The following DOCK2 variants were observed in gnomAD, a reference collection of about 807,000 sequenced individuals.
The protein encoded by DOCK2 is dedicator of cytokinesis protein 2.
In DOCK2, 87 loss-of-function variants were observed where a neutral mutation model predicts 248.9. That is an observed-to-expected ratio of 0.35 (90% CI 0.29 to 0.42). The LOEUF is 0.42. DOCK2 is among the 10% of genes least tolerant of loss of function. DOCK2 has a pLI of 1.00. For synonymous variants in DOCK2, 805 were observed against 821.6 expected (o/e 0.98, Z 0.35); for missense variants, 1,747 against 2,300.2 (o/e 0.76, Z 4.92).
chr5:169,689,792 C>A (rs1214654311), intron 9 of DOCK2, among the ~76,000 whole-genome samples: 2 of 152,178 alleles, frequency 1.3e-5, no homozygotes, highest in Non-Finnish European at 2.9e-5. Flanking sequence ...ATTGGACATT[C>A]TGAATATAAT....
At chr5:169,756,885 A>G (rs561124832) in intron 23 of DOCK2, among the ~76,000 whole-genome samples, 1 of 150,992 alleles carries the variant, frequency 6.6e-6, no homozygotes, top group African/African-American at 2.4e-5. Flanking sequence ...AGATCACCCC[A>G]TTGCACTCTA....
At chr5:169,792,018 T>C (rs751869613) in intron 25 of DOCK2, among the ~76,000 whole-genome samples, 6 of 152,168 alleles carry the variant, frequency 3.9e-5, no homozygotes, top group Admixed American at 6.5e-5. Context: ...AGTTCCTGGT[T>C]AAGTAGAGAT....
chr5:169,821,333 T>G (rs1351669235), intron 26 of DOCK2, among the ~76,000 whole-genome samples: 1 of 152,040 alleles, frequency 6.6e-6, no homozygotes, highest in East Asian at 1.9e-4. Flanking sequence ...TCACCAAAGT[T>G]GAAATGAAGG....
chr5:169,985,733 C>T, intron 28 of DOCK2, 95 bp from the exon 29 acceptor site: 1 of 921,392 alleles, frequency 1.1e-6, no homozygotes, highest in East Asian at 2.8e-5. Context: ...CCTTTTCCTC[C>T]CTCCAAAATA....
intron 33 of DOCK2, among the ~76,000 whole-genome samples, chr5:170,020,847 A>G (rs9313479): frequency 0.068 from 10,394 of 152,290 alleles, 443 homozygotes; most frequent in Middle Eastern, 0.19. Flanking sequence ...GAGGGTTTCA[A>G]GGTTAAATAC....
At position 170,013,712 on chromosome 5, in the gene DOCK2, G is replaced by A. The variant is rs560028388; in HGVS notation, c.3232+4966G>A. On this transcript the variant is annotated intron_variant, in intron 32 of 51. Transcript: ENST00000520908. ...CCTTTTAGGCTTCTGATCTCCAGAA[G>A]TATTACACTTATTACAAAATAAATG... is the stretch of plus-strand genomic sequence containing the variant. Among the ~76,000 whole-genome samples the A allele has an allele frequency of 3.9e-4, 59 of 152,232 alleles. 2 individuals carry two copies. Among genetic ancestry groups the A allele is most frequent in the African/African-American group, 1.3e-3 (55 of 41,496 alleles).
chr5:169,659,039 TG>T (rs1758298346), intron 2 of DOCK2, among the ~76,000 whole-genome samples: 1 of 147,950 alleles, frequency 6.8e-6, no homozygotes, highest in Non-Finnish European at 1.5e-5. Context: ...ATTATTGAGA[TG>T]GGGGTTTCTC....
intron 25 of DOCK2, among the ~76,000 whole-genome samples, chr5:169,789,129 A>G (rs764080222): frequency 3.8e-4 from 58 of 152,210 alleles, no homozygotes; most frequent in Non-Finnish European, 6.5e-4. Context: ...TGCTAAGGAT[A>G]ATGGCCTCCA....
chr5:170,007,495 G>T (rs1447696286), intron 30 of DOCK2, among the ~76,000 whole-genome samples: 1 of 152,180 alleles, frequency 6.6e-6, no homozygotes, highest in Non-Finnish European at 1.5e-5. Flanking sequence ...ACATCATTTT[G>T]TGTCATCTTT....
At chr5:169,668,355 C>A (rs1295643584) in intron 2 of DOCK2, among the ~76,000 whole-genome samples, 2 of 152,178 alleles carry the variant, frequency 1.3e-5, no homozygotes, top group African/African-American at 4.8e-5. Flanking sequence ...TCACGGCCCC[C>A]TGTTGCTTCA....
intron 27 of DOCK2, among the ~76,000 whole-genome samples, chr5:169,843,557 T>C (rs914428376): frequency 1.3e-5 from 2 of 152,184 alleles, no homozygotes; most frequent in African/African-American, 4.8e-5. Context: ...AAAAACAGTT[T>C]TATTGAAGTA....
intron 32 of DOCK2, among the ~76,000 whole-genome samples, chr5:170,018,555 G>C (rs1755613804): frequency 6.6e-6 from 1 of 152,110 alleles, no homozygotes; most frequent in Non-Finnish European, 1.5e-5. Context: ...AAAACAGTTG[G>C]TAAAATCCCA....
chr5:170,005,007 T>A (rs1385039547), intron 30 of DOCK2, among the ~76,000 whole-genome samples: 1 of 149,456 alleles, frequency 6.7e-6, no homozygotes, highest in Non-Finnish European at 1.5e-5. Flanking sequence ...GCATGGCATA[T>A]GTATACATAT....
chr5:169,807,082 G>A (rs914542336), intron 26 of DOCK2, among the ~76,000 whole-genome samples: 5 of 152,082 alleles, frequency 3.3e-5, no homozygotes, highest in African/African-American at 1.2e-4. Context: ...TCCCCGGCTT[G>A]CAAAGCGACT....
chr5:169,923,458 C>T (rs1775280344), intron 27 of DOCK2, among the ~76,000 whole-genome samples: 1 of 150,686 alleles, frequency 6.6e-6, no homozygotes. Context: ...GTTAGCAGCA[C>T]ATGCGTGCGT....
intron 22 of DOCK2, among the ~76,000 whole-genome samples, chr5:169,720,997 C>T (rs1345163755): frequency 1.3e-5 from 2 of 152,360 alleles, no homozygotes; most frequent in African/African-American, 4.8e-5. Context: ...GCTGGGATTA[C>T]AGGCGTGAGC....
intron 1 of DOCK2, among the ~76,000 whole-genome samples, chr5:169,645,038 T>TATC (rs982346853): frequency 3.3e-5 from 5 of 152,244 alleles, no homozygotes; most frequent in African/African-American, 1.2e-4. Flanking sequence ...TTATCCAATC[T>TATC]ATCATTGATG....
chr5:170,011,641 T>C (rs1755300007), intron 32 of DOCK2, among the ~76,000 whole-genome samples: 1 of 152,208 alleles, frequency 6.6e-6, no homozygotes, highest in African/African-American at 2.4e-5. Context: ...TAACAATGCC[T>C]TGTAGCAGTT....
At chr5:169,930,233 G>A (rs983262305) in intron 27 of DOCK2, among the ~76,000 whole-genome samples, 8 of 152,156 alleles carry the variant, frequency 5.3e-5, no homozygotes, top group South Asian at 4.2e-4. Context: ...CTTGTGATCC[G>A]CCTGCCTCGG....
Sources: gnomAD v4.1 joint callset for allele counts (sites outside exome capture counted in the v4.1 genomes callset) on GRCh38, gnomAD v4.1.1 for gene constraint, MANE v1.5 for transcripts, NCBI Gene and HGNC (gene_info 2026-07-23, HGNC 2026-07-21) for gene names.